The following ATP2C2 variants were observed in gnomAD, a reference collection of about 807,000 sequenced individuals.
ATP2C2 encodes the protein ATPase secretory pathway Ca2+ transporting 2, also known as calcium-transporting ATPase type 2C member 2.
ATP2C2 carries 171 observed loss-of-function variants against 110.8 expected under a neutral mutation model. That is an observed-to-expected ratio of 1.54 (90% CI 1.36 to 1.75). The LOEUF is 1.75. ATP2C2 is among the 40% of genes most tolerant of loss of function. ATP2C2 has a pLI of 0.00. For synonymous variants in ATP2C2, 804 were observed against 508.4 expected (o/e 1.58, Z -7.82); for missense variants, 1,963 against 1,235.0 (o/e 1.59, Z -8.84).
intron 21 of ATP2C2, among the ~76,000 whole-genome samples, chr16:84,455,777 C>T (rs1048999152): frequency 6.7e-6 from 1 of 149,778 alleles, no homozygotes; most frequent in Non-Finnish European, 1.5e-5. Context: ...TCATAGATAG[C>T]TCTTATTATT....
chr16:84,439,686 C>G (rs1324727561), intron 13 of ATP2C2, among the ~76,000 whole-genome samples, 162 bp downstream of exon 13: 1 of 152,166 alleles, frequency 6.6e-6, no homozygotes, highest in Non-Finnish European at 1.5e-5. Context: ...TTTTAATCAT[C>G]CCATACTTCC....
chr16:84,461,400 A>G, intron 24 of ATP2C2: 2 of 492,804 alleles, frequency 4.1e-6, no homozygotes. Context: ...GTAGGAAATG[A>G]CCTTCACTCT....
intron 1 of ATP2C2, among the ~76,000 whole-genome samples, chr16:84,373,703 A>T (rs762146441): frequency 4.6e-5 from 7 of 152,122 alleles, no homozygotes; most frequent in Non-Finnish European, 7.3e-5. Context: ...TGCCCATTGG[A>T]ATAGTAGAAA....
At chr16:84,419,258 C>G (rs557844732) in intron 7 of ATP2C2, among the ~76,000 whole-genome samples, 2 of 148,916 alleles carry the variant, frequency 1.3e-5, no homozygotes, top group South Asian at 4.3e-4. Context: ...GGGCCATGCT[C>G]CTGCAGAGGC....
At chr16:84,412,550 G>C (rs1315623453) in intron 6 of ATP2C2, among the ~76,000 whole-genome samples, 1 of 340 alleles carries the variant, frequency 2.9e-3, no homozygotes, top group African/African-American at 0.011. Context: ...GTGTATGCGT[G>C]TGTGTGTGTG....
chr16:84,446,377 C>A lies in ATP2C2; in HGVS notation c.1450C>A (p.Pro484Thr). 6.2e-7 allele frequency: 1 copy of A among 1,604,216 alleles called. No homozygotes were observed. The highest frequency in any genetic ancestry group is 8.5e-7 in the Non-Finnish European group (1 of 1,176,312). ...KNSYIRKKEI[P>T]FSSEQKWMAV... ...TTCATATATAAGAAAAAAAGAGATTCCATTCAGTTCAGAGCAGAAGTGGAT... is the reference window on the plus strand; with the variant it reads ...TTCATATATAAGAAAAAAAGAGATTACATTCAGTTCAGAGCAGAAGTGGAT... The change falls in exon 16 of 27, where the codon CCA (proline) becomes ACA (threonine). Residue 484 changes from proline (P) to threonine (T), a missense_variant. Physicochemically the swap from Pro to Thr is conservative, Grantham distance 38. Transcript: ENST00000262429.
In ATP2C2 at chr16:84,410,775, A is replaced by G. The variant is rs1360749065; in HGVS notation, c.515+10A>G. 1 of 1,613,272 alleles carries G rather than the reference A, an allele frequency of 6.2e-7. No individual in the cohort carries two copies. The highest frequency in any genetic ancestry group is 8.5e-7 in the Non-Finnish European group (1 of 1,179,402). On this transcript the variant is annotated intron_variant, in intron 6 of 26. Transcript: ENST00000262429. ...CTCCAGAATGTAACTGGTAAGTCAG[A>G]GCCTCCCTGGGACTTTTTGGTTCAC...
chr16:84,403,332 G>C (rs1383317545), intron 2 of ATP2C2, among the ~76,000 whole-genome samples: 1 of 151,996 alleles, frequency 6.6e-6, no homozygotes, highest in Non-Finnish European at 1.5e-5. Flanking sequence ...CCAAGACATG[G>C]TCTCATTCTG....
chr16:84,422,405 G>A lies in ATP2C2; in HGVS notation c.640G>A (p.Val214Met), dbSNP rs1324224797. ...GCTCTCCTAGGTCACGGACCTCTTG[G>A]TGGATGAATCCAGTTTCACCGGGGA... ...IRLTEVTDLL[V>M]DESSFTGEAE... The change falls in exon 8 of 27, where the codon GTG becomes ATG. Residue 214 changes from valine (V) to methionine (M), a missense_variant. By Grantham distance (21) the Val-to-Met change is conservative. Transcript: ENST00000262429. 4.3e-6 allele frequency: 7 copies of A among 1,614,078 alleles called. No homozygotes were observed. The highest frequency in any genetic ancestry group is 5.9e-6 in the Non-Finnish European group (7 of 1,179,988).
chr16:84,398,124 C>T (rs111612404), intron 1 of ATP2C2, among the ~76,000 whole-genome samples: 2,804 of 151,570 alleles, frequency 0.018, 108 homozygotes, highest in African/African-American at 0.056. Context: ...CACATGTGGC[C>T]GGGCGCAGTG....
intron 11 of ATP2C2, 87 bp from the exon 12 acceptor site, chr16:84,439,079 C>T (rs1473587458): frequency 1.9e-6 from 3 of 1,563,638 alleles, no homozygotes; most frequent in East Asian, 2.3e-5. Flanking sequence ...AGACAAGCTT[C>T]ACCAGCCAAA....
chr16:84,368,579 G>T lies in ATP2C2; in HGVS notation c.-37G>T, dbSNP rs767857561. 6.7e-7 allele frequency: 1 copy of T among 1,487,750 alleles called. No individual in the cohort carries two copies. The highest frequency in any genetic ancestry group is 9.1e-7 in the Non-Finnish European group (1 of 1,097,796). 92.2% of individuals were successfully genotyped at this position (1,487,750 alleles called of 1,614,324 possible). ...CGCAGCCATCCCGGGCCTCGCCGGGGACCTAGGGACGCAGGCAACGCCTGC... is the reference window on the plus strand; with the variant it reads ...CGCAGCCATCCCGGGCCTCGCCGGGTACCTAGGGACGCAGGCAACGCCTGC... On this transcript the variant is annotated 5_prime_UTR_variant, in exon 1 of 27. Coordinates refer to ENST00000262429, the MANE Select transcript of ATP2C2 (RefSeq NM_014861.4).
intron 11 of ATP2C2, among the ~76,000 whole-genome samples, chr16:84,427,887 G>A (rs941280289): frequency 1.3e-5 from 2 of 152,112 alleles, no homozygotes; most frequent in African/African-American, 4.8e-5. Context: ...GCACGACTCT[G>A]CATACACTAA....
At chr16:84,384,895 C>G (rs1904299823) in intron 1 of ATP2C2, among the ~76,000 whole-genome samples, 1 of 151,984 alleles carries the variant, frequency 6.6e-6, no homozygotes, top group Non-Finnish European at 1.5e-5. Context: ...AATAAAAATA[C>G]AAAATTAGCC....
chr16:84,423,279 TC>T lies in ATP2C2; in HGVS notation c.919+18del. 1.2e-6 allele frequency: 2 copies of T among 1,610,920 alleles called. No individual in the cohort carries two copies. Among genetic ancestry groups the T allele is most frequent in the Non-Finnish European group, 1.7e-6 (2 of 1,177,114 alleles). On this transcript the variant is annotated intron_variant, in intron 10 of 26. Coordinates refer to ENST00000262429, the MANE Select transcript of ATP2C2 (RefSeq NM_014861.4). ...GGCATAATCGGTGAGTGAAGCAGTT[TC>T]CATACTGGGTTTGTTCTGCAGATGG...
intron 1 of ATP2C2, among the ~76,000 whole-genome samples, chr16:84,393,227 G>T (rs1028032098): frequency 6.6e-6 from 1 of 152,196 alleles, no homozygotes; most frequent in African/African-American, 2.4e-5. Flanking sequence ...TTAGATTATG[G>T]AGCTGTGTGA....
chr16:84,422,308 G>T (rs1907409974), intron 7 of ATP2C2, 82 bp from the exon 8 acceptor site: 1 of 1,478,448 alleles, frequency 6.8e-7, no homozygotes, highest in Non-Finnish European at 9.2e-7. Context: ...GTCCATGAAG[G>T]TGCTGGTACC....
intron 23 of ATP2C2, chr16:84,460,410 T>C (rs758133117): frequency 1.4e-5 from 8 of 583,774 alleles, no homozygotes; most frequent in African/African-American, 5.6e-5. Context: ...GTGGTTGGCC[T>C]TACGGGGTGG....
intron 11 of ATP2C2, among the ~76,000 whole-genome samples, chr16:84,431,491 G>T (rs1362649139): frequency 6.6e-6 from 1 of 151,984 alleles, no homozygotes; most frequent in Non-Finnish European, 1.5e-5. Context: ...GCAAAACTCT[G>T]TCTCAAGACG....
Sources: allele counts gnomAD v4.1 joint callset (sites outside exome capture counted in the v4.1 genomes callset), GRCh38; gene constraint gnomAD v4.1.1; transcripts MANE v1.5; gene names NCBI Gene and HGNC (gene_info 2026-07-23, HGNC 2026-07-21).